The following STPG2 variants were observed in gnomAD, a reference collection of about 807,000 sequenced individuals.
STPG2 encodes sperm tail PG-rich repeat containing 2, also known as sperm-tail PG-rich repeat-containing protein 2.
Under a neutral mutation model 54.2 loss-of-function variants are expected in STPG2, and 56 were observed. That is an observed-to-expected ratio of 1.03 (90% CI 0.83 to 1.29). The LOEUF is 1.29. Among genes scored for constraint, STPG2 ranks in the 50% most tolerant of loss-of-function variants. The pLI, the probability that STPG2 is intolerant of heterozygous loss-of-function variation, is 0.00. For missense variants in STPG2, 596 were observed against 544.9 expected (o/e 1.09, Z -0.93); for synonymous variants, 200 against 181.8 (o/e 1.10, Z -0.81).
intron 10 of STPG2, among the ~76,000 whole-genome samples, chr4:97,594,584 T>C (rs140734543): frequency 1.3e-5 from 2 of 152,160 alleles, no homozygotes; most frequent in Non-Finnish European, 1.5e-5. Context: ...TTCAGAATAT[T>C]GTTCATGAAA....
At chr4:97,750,896 A>G (rs1396492520) in intron 9 of STPG2, among the ~76,000 whole-genome samples, 4 of 151,784 alleles carry the variant, frequency 2.6e-5, no homozygotes. Context: ...CTTAATAATC[A>G]CAGTTACTTT....
intron 10 of STPG2, among the ~76,000 whole-genome samples, chr4:97,588,309 GA>G (rs1162823979): frequency 6.6e-6 from 1 of 151,682 alleles, no homozygotes; most frequent in Non-Finnish European, 1.5e-5. Context: ...AAATGCAACT[GA>G]AAAAAATACA....
intron 4 of STPG2, among the ~76,000 whole-genome samples, chr4:97,486,670 C>T (rs561940732): frequency 1.3e-5 from 2 of 151,686 alleles, no homozygotes; most frequent in African/African-American, 4.8e-5. Flanking sequence ...GACTGAGTAT[C>T]TACCCTGAAG....
chr4:97,673,997 T>A (rs1332359810), intron 10 of STPG2, among the ~76,000 whole-genome samples: 1 of 152,160 alleles, frequency 6.6e-6, no homozygotes, highest in African/African-American at 2.4e-5. Flanking sequence ...ACCTAAAGGG[T>A]TTAACACAAA....
intron 3 of STPG2, among the ~76,000 whole-genome samples, chr4:98,126,239 C>A (rs1739825408): frequency 6.6e-6 from 1 of 152,178 alleles, no homozygotes; most frequent in South Asian, 2.1e-4. Flanking sequence ...TCCTGCCTCA[C>A]CAGAATTCCC....
intron 4 of STPG2, among the ~76,000 whole-genome samples, chr4:97,513,314 C>T (rs1262314884): frequency 6.6e-6 from 1 of 152,036 alleles, no homozygotes; most frequent in African/African-American, 2.4e-5. Context: ...CCCTCTAAAT[C>T]CTGTCTTTTG....
chr4:98,077,729 TAA>T (rs895718426), intron 5 of STPG2, among the ~76,000 whole-genome samples: 2 of 152,202 alleles, frequency 1.3e-5, no homozygotes, highest in African/African-American at 4.8e-5. Context: ...TGATAAATCC[TAA>T]GTGTCCAATT....
intron 9 of STPG2, among the ~76,000 whole-genome samples, chr4:97,768,224 G>T (rs1285077182): frequency 6.6e-6 from 1 of 151,274 alleles, no homozygotes; most frequent in Non-Finnish European, 1.5e-5. Flanking sequence ...CAAATGACTT[G>T]CCAGGCCAAT....
At chr4:97,808,447 T>C (rs1049712909) in intron 9 of STPG2, among the ~76,000 whole-genome samples, 4 of 151,756 alleles carry the variant, frequency 2.6e-5, no homozygotes, top group Non-Finnish European at 5.9e-5. Context: ...TCCACTACGA[T>C]AAAAATAAAA....
At chr4:97,752,915 T>C (rs559060363) in intron 9 of STPG2, among the ~76,000 whole-genome samples, 1 of 151,940 alleles carries the variant, frequency 6.6e-6, no homozygotes, top group Non-Finnish European at 1.5e-5. Context: ...AATAGTAGAG[T>C]GTCTTCCCAT....
chr4:97,907,938 C>A (rs992107594), intron 8 of STPG2, among the ~76,000 whole-genome samples: 6 of 152,174 alleles, frequency 3.9e-5, no homozygotes, highest in Non-Finnish European at 7.3e-5. Flanking sequence ...TAGGCCTGAC[C>A]ATTCAGGTCA....
chr4:97,750,289 A>C (rs1344668351), intron 9 of STPG2, among the ~76,000 whole-genome samples: 1 of 151,804 alleles, frequency 6.6e-6, no homozygotes, highest in African/African-American at 2.4e-5. Context: ...TCTACATTCC[A>C]CAAGACAAAG....
chr4:97,458,160 T>C (rs951594378), intron 4 of STPG2, among the ~76,000 whole-genome samples: 4 of 152,206 alleles, frequency 2.6e-5, no homozygotes, highest in Admixed American at 6.5e-5. Context: ...CTCCTAAGTG[T>C]ATTTGATCTT....
At chr4:98,120,510 C>G (rs1196234165) in intron 3 of STPG2, among the ~76,000 whole-genome samples, 1 of 152,176 alleles carries the variant, frequency 6.6e-6, no homozygotes, top group African/African-American at 2.4e-5. Flanking sequence ...AATGATTGAC[C>G]TAATTTACAT....
chr4:97,866,932 C>T (rs1729808931), intron 8 of STPG2, among the ~76,000 whole-genome samples: 1 of 151,870 alleles, frequency 6.6e-6, no homozygotes, highest in Admixed American at 6.6e-5. Context: ...GGGCATTTGG[C>T]TTCCTGATCA....
intron 9 of STPG2, among the ~76,000 whole-genome samples, chr4:97,742,188 A>G (rs564517879): frequency 1.8e-4 from 27 of 151,652 alleles, no homozygotes; most frequent in African/African-American, 4.8e-4. Flanking sequence ...CACAGGAAGG[A>G]GAACATCACA....
At chr4:97,817,253 T>C (rs1325782933) in intron 9 of STPG2, among the ~76,000 whole-genome samples, 2 of 150,112 alleles carry the variant, frequency 1.3e-5, no homozygotes, top group Non-Finnish European at 3.0e-5. Flanking sequence ...ATATGATATA[T>C]ACATATAATA....
chr4:98,090,105 T>C (rs1738642871), intron 5 of STPG2, among the ~76,000 whole-genome samples: 1 of 152,162 alleles, frequency 6.6e-6, no homozygotes, highest in Non-Finnish European at 1.5e-5. Context: ...TTTGGGGTCT[T>C]AGTTATGAAT....
chr4:98,003,546 G>T (rs1210899294), intron 5 of STPG2, among the ~76,000 whole-genome samples: 1 of 152,012 alleles, frequency 6.6e-6, no homozygotes, highest in African/African-American at 2.4e-5. Context: ...TGGCTTGGAG[G>T]TAATGAGTTC....
Sources: allele counts gnomAD v4.1 joint callset (sites outside exome capture counted in the v4.1 genomes callset), GRCh38; gene constraint gnomAD v4.1.1; transcripts MANE v1.5; gene names NCBI Gene and HGNC (gene_info 2026-07-23, HGNC 2026-07-21).